DMD: variants seen among roughly 807,000 people sequenced by gnomAD.
The protein encoded by DMD is mutant dystrophin.
A neutral mutation model predicts 330.1 loss-of-function variants in DMD; 63 were observed. That is an observed-to-expected ratio of 0.19 (90% confidence interval 0.16 to 0.24). The LOEUF (loss-of-function observed/expected upper bound fraction) is 0.24, where lower values mean the gene tolerates loss of function less well. DMD is among the 10% of genes least tolerant of loss of function. DMD has a pLI of 1.00. For missense variants in DMD, 3,344 were observed against 2,684.1 expected (o/e 1.25, Z -5.43); for synonymous variants, 1,223 against 959.8 (o/e 1.27, Z -5.07).
intron 2 of DMD, among the ~76,000 whole-genome samples, chrX:32,949,391 TAGA>T (rs2091078560): frequency 1.3e-5 from 1 of 76,377 alleles, no homozygotes; most frequent in Non-Finnish European, 2.6e-5. Context: ...GATAGATAGA[TAGA>T]CAGACAGACA....
intron 55 of DMD, among the ~76,000 whole-genome samples, chrX:31,551,302 G>C (rs145771006): frequency 5.4e-5 from 6 of 110,957 alleles, no homozygotes; most frequent in Non-Finnish European, 9.4e-5. Context: ...CCCAGTGAGG[G>C]GAGAGAAAGC....
At chrX:31,621,736 C>G (rs2078541707) in intron 55 of DMD, among the ~76,000 whole-genome samples, 1 of 111,988 alleles carries the variant, frequency 8.9e-6, no homozygotes, top group Admixed American at 9.5e-5. Flanking sequence ...ACTCTAGCTG[C>G]TACATCATGC....
At chrX:32,016,348 C>T (rs748820306) in intron 44 of DMD, among the ~76,000 whole-genome samples, 1 of 111,622 alleles carries the variant, frequency 9.0e-6, no homozygotes, top group Non-Finnish European at 1.9e-5. Flanking sequence ...GATAGTACCA[C>T]CCGAGTGAAG....
chrX:31,653,754 C>A (rs1190802985), intron 54 of DMD, among the ~76,000 whole-genome samples: 1 of 111,343 alleles, frequency 9.0e-6, no homozygotes, highest in Non-Finnish European at 1.9e-5. Context: ...AAACTCATAT[C>A]TATTCACAGA....
At chrX:31,289,960 G>A (rs7056503) in intron 62 of DMD, among the ~76,000 whole-genome samples, 33,522 of 105,337 alleles carry the variant, frequency 0.32, 4,966 homozygotes, top group African/African-American at 0.55. Flanking sequence ...TCACTCTGTC[G>A]CCCAGGCTGG....
intron 44 of DMD, among the ~76,000 whole-genome samples, chrX:32,165,328 C>T (rs2096864376): frequency 8.9e-6 from 1 of 112,726 alleles, no homozygotes; most frequent in Admixed American, 9.3e-5. Context: ...CATGGGAACC[C>T]ACCTCTTGCA....
intron 9 of DMD, among the ~76,000 whole-genome samples, chrX:32,693,159 T>A (rs747030117): frequency 9.0e-6 from 1 of 111,537 alleles, no homozygotes; most frequent in South Asian, 3.8e-4. Context: ...AATGAGCCAG[T>A]GAATGTGGTC....
At chrX:33,302,703 C>T (rs1013779807) in intron 1 of DMD, among the ~76,000 whole-genome samples, 1 of 111,108 alleles carries the variant, frequency 9.0e-6, no homozygotes, top group Non-Finnish European at 1.9e-5. Context: ...ACACGTACAG[C>T]CACCCACGCT....
intron 56 of DMD, among the ~76,000 whole-genome samples, chrX:31,500,678 G>A (rs141086443): frequency 1.3e-3 from 146 of 111,965 alleles, no homozygotes; most frequent in African/African-American, 4.5e-3. Flanking sequence ...TATTTGTAAT[G>A]ACTTTTTTTT....
At chrX:31,238,821 G>A (rs1480752419) in intron 63 of DMD, among the ~76,000 whole-genome samples, 2 of 111,616 alleles carry the variant, frequency 1.8e-5, no homozygotes, top group Non-Finnish European at 3.8e-5. Flanking sequence ...AGGAGCAGAG[G>A]GTATGGGGTG....
At chrX:31,392,832 G>A (rs2060741433) in intron 60 of DMD, among the ~76,000 whole-genome samples, 1 of 112,432 alleles carries the variant, frequency 8.9e-6, no homozygotes, top group Non-Finnish European at 1.9e-5. Flanking sequence ...GAAACAGATA[G>A]AGAATGAATG....
intron 62 of DMD, among the ~76,000 whole-genome samples, chrX:31,266,552 T>C (rs868686290): frequency 2.7e-5 from 3 of 111,685 alleles, no homozygotes; most frequent in African/African-American, 9.8e-5. Flanking sequence ...GAAATCAGCT[T>C]TTTCTCTCCG....
chrX:31,284,858 ACACACC>A (rs1220522101), intron 62 of DMD, among the ~76,000 whole-genome samples: 14 of 97,582 alleles, frequency 1.4e-4, no homozygotes, highest in African/African-American at 4.9e-4. Flanking sequence ...ACACACACAC[ACACACC>A]CACACCCACA....
chrX:32,625,630 C>A (rs956859692), intron 11 of DMD, among the ~76,000 whole-genome samples: 1 of 112,109 alleles, frequency 8.9e-6, no homozygotes, highest in Admixed American at 9.4e-5. Flanking sequence ...TACATGTTTT[C>A]ATTAATTTCA....
intron 57 of DMD, among the ~76,000 whole-genome samples, chrX:31,492,403 A>C (rs2069390969): frequency 8.9e-6 from 1 of 112,170 alleles, no homozygotes; most frequent in Non-Finnish European, 1.9e-5. Context: ...GCTACCACAT[A>C]CATGTGACAA....
chrX:32,877,381 A>C (rs776659024), intron 2 of DMD, among the ~76,000 whole-genome samples: 70 of 112,777 alleles, frequency 6.2e-4, no homozygotes, highest in African/African-American at 2.1e-3. Context: ...CTAACATTTG[A>C]AAAAAGCTTC....
intron 44 of DMD, among the ~76,000 whole-genome samples, chrX:32,214,570 A>AC (rs1001132631): frequency 1.8e-5 from 2 of 111,695 alleles, no homozygotes; most frequent in African/African-American, 6.5e-5. Context: ...TAGTAATACC[A>AC]CCTGTTCCCA....
At chrX:31,463,934 T>C (rs2066691835) in intron 59 of DMD, among the ~76,000 whole-genome samples, 1 of 111,901 alleles carries the variant, frequency 8.9e-6, no homozygotes, top group African/African-American at 3.2e-5. Flanking sequence ...CATGAATTAA[T>C]GAATGAGTGC....
chrX:33,286,450 T>G (rs2053434133), intron 1 of DMD, among the ~76,000 whole-genome samples: 1 of 112,062 alleles, frequency 8.9e-6, no homozygotes, highest in Non-Finnish European at 1.9e-5. Context: ...TTATTGTGCA[T>G]AATCTAATTA....
Sources: allele counts gnomAD v4.1 joint callset (sites outside exome capture counted in the v4.1 genomes callset), GRCh38; gene constraint gnomAD v4.1.1; transcripts MANE v1.5; gene names NCBI Gene and HGNC (gene_info 2026-07-23, HGNC 2026-07-21).